HSD17B3: variants seen among roughly 807,000 people sequenced by gnomAD.
The protein encoded by HSD17B3 is 17-beta-hydroxysteroid dehydrogenase type 3.
HSD17B3 carries 29 observed loss-of-function variants against 41.1 expected under a neutral mutation model. The observed-to-expected ratio is 0.71, with a 90% CI of 0.53 to 0.96. HSD17B3 has a LOEUF of 0.96. Ranked by LOEUF, HSD17B3 falls within the 40% of genes least tolerant of loss-of-function variation. The pLI is 0.00. For synonymous variants in HSD17B3, 126 were observed against 145.6 expected, an observed-to-expected ratio of 0.87 and a Z score of 0.97; for missense variants, 323 against 374.6, an observed-to-expected ratio of 0.86 and a Z score of 1.14.
chr9:96,294,250 CAA>C (rs35463519), intron 2 of HSD17B3, among the ~76,000 whole-genome samples: 1 of 140,760 alleles, frequency 7.1e-6, no homozygotes, highest in Non-Finnish European at 1.6e-5. Flanking sequence ...CTCATCTCTA[CAA>C]AAAAAAAAAA....
intron 2 of HSD17B3, among the ~76,000 whole-genome samples, chr9:96,263,446 G>A (rs556853117): frequency 6.6e-5 from 10 of 152,136 alleles, no homozygotes; most frequent in Admixed American, 3.9e-4. Context: ...AGTGGGGCAC[G>A]GTGGCTCACG....
intron 10 of HSD17B3, among the ~76,000 whole-genome samples, chr9:96,238,811 G>A (rs1836324116): frequency 1.3e-5 from 2 of 152,176 alleles, no homozygotes; most frequent in South Asian, 2.1e-4. Flanking sequence ...CATGAAGGAT[G>A]GAGAAGTGTG....
intron 2 of HSD17B3, chr9:96,256,190 C>T (rs930998807): frequency 6.6e-6 from 1 of 152,180 alleles, no homozygotes; most frequent in African/African-American, 2.4e-5. Context: ...TGGTAAAATA[C>T]ACATAACAAA....
chr9:96,260,574 A>T (rs950998276), intron 2 of HSD17B3, among the ~76,000 whole-genome samples: 1 of 152,154 alleles, frequency 6.6e-6, no homozygotes, highest in Non-Finnish European at 1.5e-5. Context: ...ATCCTGGTCA[A>T]CATGGTGAAA....
intron 2 of HSD17B3, among the ~76,000 whole-genome samples, chr9:96,277,387 G>A (rs572654702): frequency 5.4e-4 from 82 of 152,062 alleles, no homozygotes; most frequent in Non-Finnish European, 9.1e-4. Context: ...AACAAATAAC[G>A]TGATTTTAAA....
chr9:96,264,917 G>A (rs1299146163), intron 2 of HSD17B3, among the ~76,000 whole-genome samples: 4 of 152,088 alleles, frequency 2.6e-5, no homozygotes, highest in African/African-American at 9.7e-5. Context: ...CATACATTCT[G>A]ACAAAATAGT....
intron 1 of HSD17B3, among the ~76,000 whole-genome samples, chr9:96,300,300 C>T (rs958033417): frequency 1.4e-5 from 2 of 143,370 alleles, no homozygotes; most frequent in African/African-American, 5.0e-5. Flanking sequence ...CATTTGTCAT[C>T]CCAAACAATT....
At chr9:96,272,405 C>CTCTCTCTCTCTCTA (rs1239816824) in intron 2 of HSD17B3, among the ~76,000 whole-genome samples, 10 of 21,530 alleles carry the variant, frequency 4.6e-4, no homozygotes, top group Non-Finnish European at 8.8e-4. Context: ...CTCTCTCTCT[C>CTCTCTCTCTCTCTA]TATATATATA....
intron 8 of HSD17B3, among the ~76,000 whole-genome samples, chr9:96,244,609 A>G (rs936143200): frequency 1.3e-5 from 2 of 152,088 alleles, no homozygotes; most frequent in Admixed American, 1.3e-4. Context: ...GCTAACAATC[A>G]TAGACAACAT....
chr9:96,266,746 A>G (rs1826055350), intron 2 of HSD17B3, among the ~76,000 whole-genome samples: 1 of 152,150 alleles, frequency 6.6e-6, no homozygotes, highest in Non-Finnish European at 1.5e-5. Context: ...CTTGGGTCAG[A>G]GTGAGAAGTC....
intron 2 of HSD17B3, among the ~76,000 whole-genome samples, chr9:96,281,563 C>A (rs280665): frequency 6.6e-6 from 1 of 152,102 alleles, no homozygotes; most frequent in East Asian, 1.9e-4. Flanking sequence ...AAGTCCCTCT[C>A]GTAAAGTCCC....
chr9:96,287,433 G>A (rs1488150290), intron 2 of HSD17B3, among the ~76,000 whole-genome samples: 3 of 152,184 alleles, frequency 2.0e-5, no homozygotes, highest in African/African-American at 4.8e-5. Context: ...TTTACTGGCC[G>A]GGCGTGGTGG....
intron 8 of HSD17B3, 102 bp downstream of exon 8, chr9:96,245,243 A>C: frequency 1.1e-6 from 1 of 900,144 alleles, no homozygotes; most frequent in Admixed American, 1.7e-5. Context: ...GAGCATCTCC[A>C]GGTAAACCTT....
chr9:96,276,480 A>G (rs1019527178), intron 2 of HSD17B3, among the ~76,000 whole-genome samples: 5 of 152,214 alleles, frequency 3.3e-5, no homozygotes, highest in African/African-American at 4.8e-5. Flanking sequence ...AGTGGGAAGC[A>G]TCACACTTCT....
intron 9 of HSD17B3, among the ~76,000 whole-genome samples, chr9:96,243,466 G>T (rs1836534205): frequency 6.6e-6 from 1 of 152,170 alleles, no homozygotes; most frequent in Non-Finnish European, 1.5e-5. Flanking sequence ...TTAGTTTATA[G>T]GAACAGCTGC....
intron 2 of HSD17B3, among the ~76,000 whole-genome samples, chr9:96,273,464 G>A (rs1826338992): frequency 6.6e-6 from 1 of 152,124 alleles, no homozygotes; most frequent in South Asian, 2.1e-4. Context: ...TGTCCCTCAT[G>A]GGAGAAAAGG....
Position 96,240,770 on chromosome 9 carries a change from G to A in HSD17B3, c.810C>T (p.Ala270=). The part of the protein sequence containing the change: ...TIGGETCGCL[A]HEILAGFLSL... ...AGTTATCAATTACCAAGATTTCATG[G>A]GCAAGGCAGCCACAGGTTTCACCTC... The change falls in exon 10 of 11, where the codon GCC becomes GCT. Residue 270 remains alanine, a synonymous_variant. Coordinates refer to ENST00000375263, the MANE Select transcript of HSD17B3 (RefSeq NM_000197.2). 6.2e-7 allele frequency: 1 copy of A among 1,614,154 alleles called. No homozygotes were observed. The highest frequency in any genetic ancestry group is 8.5e-7 in the Non-Finnish European group (1 of 1,180,036).
chr9:96,274,585 G>C (rs886598062), intron 2 of HSD17B3, among the ~76,000 whole-genome samples: 2 of 152,130 alleles, frequency 1.3e-5, no homozygotes, highest in Admixed American at 1.3e-4. Flanking sequence ...TTATGCAGCT[G>C]AAGAATTTGA....
At chr9:96,250,426 G>GC in intron 5 of HSD17B3, 1 of 1,067,070 alleles carries the variant, frequency 9.4e-7, no homozygotes, top group African/African-American at 1.6e-5. Context: ...CAGCGCCCAA[G>GC]CAGTCTGGCA....
Sources: gnomAD v4.1 joint callset for allele counts (sites outside exome capture counted in the v4.1 genomes callset) on GRCh38, gnomAD v4.1.1 for gene constraint, MANE v1.5 for transcripts, NCBI Gene and HGNC (gene_info 2026-07-23, HGNC 2026-07-21) for gene names.